Variants in KRT79 observed in about 807,000 individuals in gnomAD.
KRT79 encodes keratin 79.
In KRT79, 51 loss-of-function variants were observed where a neutral mutation model predicts 49.0. The observed-to-expected ratio is 1.04, with a 90% CI of 0.83 to 1.31. The LOEUF (loss-of-function observed/expected upper bound fraction) is 1.31. Ranked by LOEUF, KRT79 falls within the 40% of genes most tolerant of loss-of-function variation. KRT79 has a pLI of 0.00. For synonymous variants in KRT79, 312 were observed against 286.6 expected (o/e 1.09, Z -0.90); for missense variants, 728 against 688.0 (o/e 1.06, Z -0.65).
In KRT79 at chr12:52,830,024, A is replaced by G. The variant is rs377540964; in HGVS notation, c.854T>C (p.Met285Thr). Residue 285 changes from methionine (M) to threonine (T), a missense_variant and splice_region_variant, in exon 4 of 9, where the codon ATG (methionine) becomes ACG (threonine). Met to Thr is a moderately conservative substitution (Grantham distance 81, BLOSUM62 -1). Coordinates refer to ENST00000330553, the MANE Select transcript of KRT79 (RefSeq NM_175834.3). Reference protein sequence around the residue: ...EIDFLQQLYEMELSQVQTHVS... With the variant: ...EIDFLQQLYETELSQVQTHVS... ...CTCCCTGCCCATTGGCCACCTCACC[A>G]TTTCATAGAGTTGCTGCAGGAAGTC... 3.7e-6 allele frequency: 6 copies of G among 1,613,878 alleles called. No individual in the cohort carries two copies. In the African/African-American group the frequency reaches 6.7e-5, roughly 18 times the overall value.
chr12:52,822,015 A>T lies in KRT79; in HGVS notation c.1465T>A (p.Ser489Thr). 1 of 1,614,112 alleles carries T rather than the reference A, an allele frequency of 6.2e-7. No individual in the cohort carries two copies. Among genetic ancestry groups the T allele is most frequent in the Non-Finnish European group, 8.5e-7 (1 of 1,179,996 alleles). The stretch of plus-strand genomic sequence containing the variant: ...GTGGCCCCCCCACTCCCACCCAGGG[A>T]GATGCCACCTCCAAAGCTGGCTGCG... ...GGAASFGGGI[S>T]LGGSGGATKG... Residue 489 changes from serine to threonine, a missense_variant, in exon 9 of 9, where the codon TCC (serine) becomes ACC (threonine). Transcript: ENST00000330553.
Position 52,834,248 on chromosome 12 carries a change from C to T in KRT79, c.13G>A (p.Val5Ile), listed in dbSNP as rs761058456. Residue 5 changes from valine to isoleucine, a missense_variant, in exon 1 of 9, where the codon GTC becomes ATC. Transcript: ENST00000330553. ...TTTGTGGAGTATGTTTGCCGAGAGA[C>T]GGAGGACCTCATAGCTGCAGAGGGG... Reference protein sequence around the residue: MRSSVSRQTYSTKGG... With the variant: MRSSISRQTYSTKGG... The T allele has an allele frequency of 1.1e-5, 18 of 1,613,002 alleles. No homozygotes were observed. The highest frequency in any genetic ancestry group is 8.9e-5 in the East Asian group (4 of 44,870).
rs1276762193 is a variant in KRT79, at chr12:52,831,580, G to A, written c.524C>T (p.Ala175Val). 1.2e-6 allele frequency: 2 copies of A among 1,614,228 alleles called. No homozygotes were observed. The highest frequency in any genetic ancestry group is 2.2e-5 in the South Asian group (2 of 91,088). Residue 175 changes from alanine to valine, a missense_variant, in exon 2 of 9, where the codon GCA becomes GTA. By Grantham distance (64) the Ala-to-Val change is moderately conservative. Coordinates refer to ENST00000330553, the MANE Select transcript of KRT79 (RefSeq NM_175834.3). ...QQNKVLETKW[A>V]LLQEQGQNLG... is the part of the protein sequence containing the mutation. Reference sequence around the variant, plus strand: ...GTTCTGGCCCTGCTCCTGCAGCAGTGCCCACTTGGTCTCCAGCACCTTATT... The same window carrying A: ...GTTCTGGCCCTGCTCCTGCAGCAGTACCCACTTGGTCTCCAGCACCTTATT...
At chr12:52,828,534 C>A (rs753042764) in intron 4 of KRT79, among the ~76,000 whole-genome samples, 1 of 152,142 alleles carries the variant, frequency 6.6e-6, no homozygotes, top group African/African-American at 2.4e-5. Context: ...TTACTAAGAG[C>A]CCACATAGCT....
intron 4 of KRT79, among the ~76,000 whole-genome samples, chr12:52,827,029 A>G (rs1940185130): frequency 6.6e-6 from 1 of 152,098 alleles, no homozygotes; most frequent in Non-Finnish European, 1.5e-5. Context: ...AACTGTGCCC[A>G]CACACTCGAT....
rs1165795232 is a variant in KRT79, at chr12:52,824,203, T to C, written c.1015A>G (p.Thr339Ala). The C allele has an allele frequency of 5.0e-6, 8 of 1,614,102 alleles. No homozygotes were observed. The highest frequency in any genetic ancestry group is 6.8e-6 in the Non-Finnish European group (8 of 1,180,046). The part of the protein sequence containing the change: ...SRAEAEAWYQ[T>A]KYEELQVTAG... The stretch of plus-strand genomic sequence containing the variant: ...GAGCCAGCTATGCCTCTCACCTTGG[T>C]CTGGTACCAGGCCTCGGCCTCAGCC... Residue 339 changes from threonine (T) to alanine (A), a missense_variant, in exon 5 of 9, where the codon ACC becomes GCC. Physicochemically the swap from Thr to Ala is moderately conservative, Grantham distance 58 (BLOSUM62 0). Transcript: ENST00000330553.
In KRT79 at chr12:52,823,157, C is replaced by A; in HGVS notation, c.1226G>T (p.Gly409Val). The A allele has an allele frequency of 6.2e-7, 1 of 1,614,214 alleles. No individual in the cohort carries two copies. Among genetic ancestry groups the A allele is most frequent in the Non-Finnish European group, 8.5e-7 (1 of 1,180,026 alleles). ...LALKDAQKKLGDLDVALHQAK... is the reference protein window; with the variant it reads ...LALKDAQKKLVDLDVALHQAK... ...CTGGTGCAGGGCCACATCCAGATCC[C>A]CAAGCTTCTTCTGAGCATCCTTGAG... Residue 409 changes from glycine (G) to valine (V), a missense_variant, in exon 7 of 9, where the codon GGG becomes GTG. Coordinates refer to ENST00000330553, the MANE Select transcript of KRT79 (RefSeq NM_175834.3).
Position 52,831,466 on chromosome 12 carries a change from C to A in KRT79, c.638G>T (p.Arg213Leu), listed in dbSNP as rs768167409. The A allele has an allele frequency of 2.3e-5, 37 of 1,614,120 alleles. No individual in the cohort carries two copies. In the Admixed American group the frequency reaches 4.5e-4, roughly 20 times the overall value. ...RSTLDRLQSE[R>L]GRLDSELRNV... ...CCTGAGCTCTGAGTCCAGCCTCCCC[C>A]GCTCGCTCTGAAGTCTGTCCAGCGT... Residue 213 changes from arginine (R) to leucine (L), a missense_variant, in exon 2 of 9, where the codon CGG (arginine) becomes CTG (leucine). Arg to Leu is a moderately radical substitution (Grantham distance 102, BLOSUM62 -2). Coordinates refer to ENST00000330553, the MANE Select transcript of KRT79 (RefSeq NM_175834.3).
At chr12:52,822,251 G>T (rs753830566) in intron 8 of KRT79, 94 bp downstream of exon 8, 2 of 1,389,840 alleles carry the variant, frequency 1.4e-6, no homozygotes, top group South Asian at 2.4e-5. Context: ...GAATGGAGGA[G>T]AGCATGCTTT....
intron 4 of KRT79, among the ~76,000 whole-genome samples, chr12:52,827,107 C>G (rs932962861): frequency 1.3e-5 from 2 of 152,168 alleles, no homozygotes; most frequent in African/African-American, 2.4e-5. Flanking sequence ...ACTGCACAGG[C>G]TGGGCCCCAG....
rs759334192 is a variant in KRT79 at position 52,821,822 on chromosome 12, G to A, written c.*50C>T. ...TGACTGGAAAGGACAGCAGAGGTGG[G>A]GTGAGGAGGGCAGGGACAGGATTGC... On this transcript the variant is annotated 3_prime_UTR_variant, in exon 9 of 9. Transcript: ENST00000330553. 3 of 1,527,850 alleles carry A rather than the reference G, an allele frequency of 2.0e-6. No homozygotes were observed. Among genetic ancestry groups the A allele is most frequent in the Admixed American group, 1.7e-5 (1 of 57,388 alleles). The allele number at this position is 1,527,850 out of a possible 1,614,324, so 94.6% of individuals were successfully genotyped here.
chr12:52,826,126 T>G (rs186658873), intron 4 of KRT79, among the ~76,000 whole-genome samples: 2 of 151,542 alleles, frequency 1.3e-5, no homozygotes, highest in Admixed American at 6.6e-5. Context: ...TCTAGCCCCA[T>G]GTCAGAGCAT....
intron 2 of KRT79, chr12:52,830,595 T>C: frequency 2.8e-6 from 1 of 355,780 alleles, no homozygotes; most frequent in South Asian, 4.6e-5. Context: ...TGAAGATGTG[T>C]CAACAGTGGC....
chr12:52,824,170 TCA>T (rs1940143411), intron 5 of KRT79, 26 bp downstream of exon 5: 3 of 1,613,938 alleles, frequency 1.9e-6, no homozygotes, highest in African/African-American at 1.3e-5. Flanking sequence ...ACCCCAGGCC[TCA>T]CACCTGAGCC....
chr12:52,826,183 A>G (rs1045513765), intron 4 of KRT79, among the ~76,000 whole-genome samples: 7 of 152,032 alleles, frequency 4.6e-5, no homozygotes, highest in African/African-American at 1.7e-4. Flanking sequence ...AGGAGGCAAA[A>G]TCTCTCCACT....
At chr12:52,824,393 C>G in intron 4 of KRT79, 31 bp from the exon 5 acceptor site, 1 of 1,607,466 alleles carries the variant, frequency 6.2e-7, no homozygotes, top group Non-Finnish European at 8.5e-7. Context: ...GCCACCAGCA[C>G]CCCTGCTCCA....
chr12:52,824,275 T>A lies in KRT79; in HGVS notation c.943A>T (p.Ile315Phe), dbSNP rs746479907. 1 of 1,614,258 alleles carries A rather than the reference T, an allele frequency of 6.2e-7. No individual in the cohort carries two copies. Among genetic ancestry groups the A allele is most frequent in the Admixed American group, 1.7e-5 (1 of 60,036 alleles). ...NNRNLDLDSI[I>F]AEVKAQYELI... Reference sequence around the variant, plus strand: ...TCATACTGGGCCTTGACCTCGGCGATGATGCTGTCCAGGTCCAGGTTGCGG... The same window carrying A: ...TCATACTGGGCCTTGACCTCGGCGAAGATGCTGTCCAGGTCCAGGTTGCGG... Residue 315 changes from isoleucine to phenylalanine, a missense_variant, in exon 5 of 9, where the codon ATC becomes TTC. Transcript: ENST00000330553.
chr12:52,822,382 AG>A lies in KRT79; in HGVS notation c.1368-4del. 2 of 1,587,324 alleles carry A rather than the reference AG, an allele frequency of 1.3e-6. No homozygotes were observed. Among genetic ancestry groups the A allele is most frequent in the Non-Finnish European group, 8.6e-7 (1 of 1,165,408 alleles). On this transcript the variant is annotated splice_region_variant and splice_polypyrimidine_tract_variant and intron_variant, in intron 7 of 8. Transcript: ENST00000330553. ...CACTGGGACATTCTCCAGACATCCT[AG>A]GGGACACAGAAAGGCCAGGAGAGCA...
At position 52,822,053 on chromosome 12, in the gene KRT79, A is replaced by G. The variant is rs746481989; in HGVS notation, c.1427T>C (p.Val476Ala). 1.2e-6 allele frequency: 2 copies of G among 1,614,108 alleles called. No individual in the cohort carries two copies. The highest frequency in any genetic ancestry group is 2.2e-5 in the South Asian group (2 of 91,088). ...SISVTGNSTT[V>A]CGGGAASFGG... ...AAAGCTGGCTGCGCCACCTCCGCAC[A>G]CAGTGGTGGAGTTGCCAGTCACAGC... The change falls in exon 9 of 9, where the codon GTG (valine) becomes GCG (alanine). Residue 476 changes from valine (V) to alanine (A), a missense_variant. Transcript: ENST00000330553.
Sources: allele counts gnomAD v4.1 joint callset (sites outside exome capture counted in the v4.1 genomes callset), GRCh38; gene constraint gnomAD v4.1.1; transcripts MANE v1.5; gene names NCBI Gene and HGNC (gene_info 2026-07-23, HGNC 2026-07-21).